MAN2A2: variants seen among roughly 807,000 people sequenced by gnomAD.
MAN2A2 encodes the protein mannosidase alpha class 2A member 2, also known as alpha-mannosidase 2x.
In MAN2A2, 79 loss-of-function variants were observed where a neutral mutation model predicts 126.8. The observed-to-expected ratio is 0.62, with a 90% confidence interval of 0.52 to 0.75. MAN2A2 has a LOEUF of 0.75. Ranked by LOEUF, MAN2A2 falls within the 30% of genes least tolerant of loss-of-function variation. The pLI is 0.00. For synonymous variants in MAN2A2, 671 were observed against 618.7 expected (o/e 1.08, Z -1.25); for missense variants, 1,392 against 1,522.4 (o/e 0.91, Z 1.43).
intron 19 of MAN2A2, 198 bp from the exon 20 acceptor site, chr15:90,915,925 G>A (rs2035136517): frequency 3.6e-6 from 2 of 549,874 alleles, no homozygotes; most frequent in Non-Finnish European, 6.4e-6. Context: ...TTCCTCATCT[G>A]CAAAATAACG....
At chr15:90,916,756 T>C (rs2035219276) in intron 20 of MAN2A2, 2 of 930,850 alleles carry the variant, frequency 2.1e-6, no homozygotes, top group African/African-American at 3.4e-5. Context: ...CACTCGTGCA[T>C]CAGATAGATA....
chr15:90,912,508 T>TGGGGCCA, intron 15 of MAN2A2, 34 bp from the exon 16 acceptor site: 1 of 1,608,658 alleles, frequency 6.2e-7, no homozygotes, highest in African/African-American at 1.3e-5. Flanking sequence ...CATGCTGGTG[T>TGGGGCCA]GGGGCCAGGG....
At chr15:90,914,785 T>C (rs955286910) in intron 19 of MAN2A2, among the ~76,000 whole-genome samples, 1 of 152,196 alleles carries the variant, frequency 6.6e-6, no homozygotes, top group African/African-American at 2.4e-5. Flanking sequence ...CCCAAAGTGC[T>C]GGGATTATAG....
In MAN2A2 at chr15:90,909,497, A is replaced by G. The variant is rs780189457; in HGVS notation, c.1367A>G (p.His456Arg). 1.1e-5 allele frequency: 17 copies of G among 1,612,492 alleles called. No homozygotes were observed. The highest frequency in any genetic ancestry group is 1.4e-5 in the Non-Finnish European group (17 of 1,178,992). ...TTCTTCAACAGCAGGCCTAACCTCC[A>G]TGTGCAGGTGTGAGGGGCACTTGAC... is the stretch of plus-strand genomic sequence containing the variant. ...FDFFNSRPNL[H>R]VQAQFGTLSD... Residue 456 changes from histidine (H) to arginine (R), a missense_variant, in exon 9 of 23, where the codon CAT becomes CGT. Transcript: ENST00000559717.
chr15:90,912,815 C>G, intron 16 of MAN2A2, 62 bp from the exon 17 acceptor site: 1 of 1,558,188 alleles, frequency 6.4e-7, no homozygotes, highest in Admixed American at 1.7e-5. Flanking sequence ...CAGCCCTGGG[C>G]TGGCACCTTC....
chr15:90,904,856 A>C (rs1024088489), intron 2 of MAN2A2, among the ~76,000 whole-genome samples: 3 of 152,150 alleles, frequency 2.0e-5, no homozygotes, highest in Admixed American at 2.0e-4. Context: ...TGGCCTCCCA[A>C]AGTGCTGGGA....
chr15:90,919,888 C>T lies in MAN2A2; in HGVS notation c.*101C>T. 7.2e-7 allele frequency: 1 copy of T among 1,392,036 alleles called. No homozygotes were observed. The highest frequency in any genetic ancestry group is 2.3e-5 in the East Asian group (1 of 43,008). 86.2% of individuals were successfully genotyped at this position (1,392,036 alleles called of 1,614,324 possible). ...CGGGTATCCCATCCCGATCTGCCTC[C>T]CAGAACTGTGACACACTGGGCTCTG... On this transcript the variant is annotated 3_prime_UTR_variant, in exon 23 of 23. Coordinates refer to ENST00000559717, the MANE Select transcript of MAN2A2 (RefSeq NM_006122.4).
upstream of MAN2A2, chr15:90,902,816 C>A (rs983922121): frequency 5.5e-5 from 8 of 145,192 alleles, no homozygotes; most frequent in African/African-American, 1.5e-4. Flanking sequence ...CGGGGCCCAG[C>A]GGGAGCGCGG....
chr15:90,921,294 A>C lies in MAN2A2; in HGVS notation c.*1507A>C, dbSNP rs1020073709. ...ACTGGTTTTCCCCAAATCAGCTGAT[A>C]AATTCAGTGTAATTCCAATGAGATT... On this transcript the variant is annotated 3_prime_UTR_variant, in exon 23 of 23. Transcript: ENST00000559717. The C allele has an allele frequency of 6.6e-6, 1 of 152,234 alleles. No individual in the cohort carries two copies. The highest frequency in any genetic ancestry group is 2.4e-5 in the African/African-American group (1 of 41,462). The allele number at this position is 152,234 out of a possible 1,614,324, so 9.4% of individuals were successfully genotyped here. A position where few individuals can be genotyped will look rare whatever the true frequency, so the allele number is the denominator to read the frequency against.
chr15:90,913,834 G>C lies in MAN2A2; in HGVS notation c.2860+79G>C, dbSNP rs140187955. 1,219 of 1,474,558 alleles carry C rather than the reference G, an allele frequency of 8.3e-4. 16 individuals carry two copies. The East Asian group carries it at 0.028, about 33-fold the overall frequency. 91.3% of individuals were successfully genotyped at this position (1,474,558 alleles called of 1,614,324 possible). A position where few individuals can be genotyped will look rare whatever the true frequency, so the allele number is the denominator to read the frequency against. ...CCCACCCTCAAGGGCTCCCCGCTCT[G>C]TTGGCCTCCCTTGCCTCTTTCTGGA... On this transcript the variant is annotated intron_variant, in intron 19 of 22. Transcript: ENST00000559717.
Position 90,905,681 on chromosome 15 carries a change from G to C in MAN2A2, c.493G>C (p.Asp165His), listed in dbSNP as rs1278260791. Residue 165 changes from aspartate (D) to histidine (H), a missense_variant, in exon 4 of 23, where the codon GAC (aspartate) becomes CAC (histidine). Transcript: ENST00000559717. ...SYDPHDWDAEDLQVFVVPHSH... is the reference protein window; with the variant it reads ...SYDPHDWDAEHLQVFVVPHSH... ...CGACCCGCACGACTGGGATGCTGAA[G>C]ACCTGCAGGTGTTTGTGGTGCCCCA... 6.8e-6 allele frequency: 11 copies of C among 1,614,172 alleles called. No individual in the cohort carries two copies. In the South Asian group the frequency reaches 1.2e-4, roughly 18 times the overall value.
chr15:90,907,311 T>G lies in MAN2A2; in HGVS notation c.1012T>G (p.Ser338Ala). ...ACCACGTGGTGTGTCTCCTGCAGAC[T>G]CGGACTCCAGCACAGACATCTTCTG... ...LEFMWRQTWDSDSSTDIFCHM... is the reference protein window; with the variant it reads ...LEFMWRQTWDADSSTDIFCHM... Residue 338 changes from serine (S) to alanine (A), a missense_variant and splice_region_variant, in exon 8 of 23, where the codon TCG (serine) becomes GCG (alanine). Coordinates refer to ENST00000559717, the MANE Select transcript of MAN2A2 (RefSeq NM_006122.4). 6.2e-6 allele frequency: 10 copies of G among 1,613,120 alleles called. No homozygotes were observed. In the Middle Eastern group the frequency reaches 1.7e-3, roughly 266 times the overall value.
At chr15:90,904,410 C>T (rs954761334) in intron 2 of MAN2A2, 71 bp downstream of exon 2, 51 of 1,508,222 alleles carry the variant, frequency 3.4e-5, no homozygotes, top group South Asian at 7.7e-5. Context: ...CCTCCCACCC[C>T]GCCGCCTCCC....
Position 90,917,702 on chromosome 15 carries a change from A to G in MAN2A2, c.2995-492A>G, listed in dbSNP as rs564602804. The G allele has an allele frequency of 1.4e-4, 22 of 156,062 alleles. No individual in the cohort carries two copies. The South Asian group carries it at 3.7e-3, about 26-fold the overall frequency. 9.7% of individuals were successfully genotyped at this position (156,062 alleles called of 1,614,324 possible). On this transcript the variant is annotated intron_variant, in intron 20 of 22. Coordinates refer to ENST00000559717, the MANE Select transcript of MAN2A2 (RefSeq NM_006122.4). ...GCCCAGGCCTGTGAGTCTGACGTCC[A>G]GGTGAGCTGCTAAGGAGTAGCCCTG...
rs768788862 is a variant in MAN2A2, at chr15:90,909,380, A to G, written c.1250A>G (p.Asn417Ser). The G allele has an allele frequency of 1.2e-6, 2 of 1,614,070 alleles. No homozygotes were observed. The highest frequency in any genetic ancestry group is 1.7e-5 in the Admixed American group (1 of 60,018). ...YRKKSQLFRS[N>S]VLLVPLGDDF... is the part of the protein sequence containing the mutation. ...AAGAAGTCCCAGCTGTTCCGAAGCA[A>G]CGTCCTCCTGGTGCCTCTTGGAGAT... Residue 417 changes from asparagine (N) to serine (S), a missense_variant, in exon 9 of 23, where the codon AAC becomes AGC. Physicochemically the swap from Asn to Ser is conservative, Grantham distance 46. Transcript: ENST00000559717.
intron 12 of MAN2A2, 70 bp downstream of exon 12, chr15:90,911,031 G>C (rs1451358844): frequency 6.7e-6 from 10 of 1,496,616 alleles, no homozygotes; most frequent in Non-Finnish European, 9.3e-6. Flanking sequence ...GCTGCTGGAT[G>C]GGGGTGCCGC....
chr15:90,911,795 A>G (rs1392170136), intron 14 of MAN2A2: 20 of 602,754 alleles, frequency 3.3e-5, no homozygotes, highest in South Asian at 2.4e-4. Context: ...ATGCCCCATC[A>G]TTCAGTCATT....
chr15:90,911,843 C>T (rs1596160660), intron 14 of MAN2A2, 200 bp from the exon 15 acceptor site: 2 of 633,056 alleles, frequency 3.2e-6, no homozygotes, highest in Non-Finnish European at 5.6e-6. Flanking sequence ...GTTACCGCTT[C>T]ATACTTTTTC....
chr15:90,908,024 TACG>T (rs1432305630), intron 8 of MAN2A2, among the ~76,000 whole-genome samples: 1 of 152,230 alleles, frequency 6.6e-6, no homozygotes, highest in Non-Finnish European at 1.5e-5. Flanking sequence ...ACCTTAAGAA[TACG>T]ACAAGTTGGA....
Sources: allele counts gnomAD v4.1 joint callset (sites outside exome capture counted in the v4.1 genomes callset), GRCh38; gene constraint gnomAD v4.1.1; transcripts MANE v1.5; gene names NCBI Gene and HGNC (gene_info 2026-07-23, HGNC 2026-07-21).